The following ARHGEF10L variants were observed in gnomAD, a reference collection of about 807,000 sequenced individuals.
The protein encoded by ARHGEF10L is Rho guanine nucleotide exchange factor 10 like.
In ARHGEF10L, 69 loss-of-function variants were observed where a neutral mutation model predicts 141.2. The ratio of observed to expected loss-of-function variants is 0.49; its 90% confidence interval spans 0.40 to 0.60. The LOEUF is 0.60. Ranked by LOEUF, ARHGEF10L falls within the 20% of genes least tolerant of loss-of-function variation. The probability of loss-of-function intolerance (pLI) is 0.00; values close to 1 mark genes in which losing one functional copy is unlikely to be tolerated. For synonymous variants in ARHGEF10L, 711 were observed against 718.5 expected (o/e 0.99, Z 0.17); for missense variants, 1,482 against 1,734.3 (o/e 0.85, Z 2.58).
rs1158258837 is a variant in ARHGEF10L at position 17,603,670 on chromosome 1, C to T, written c.433+79C>T. ...GGGACTGGGGAGGGTTGTCTCTTTCCGTTTCCTTCTGTCCCCACCTGGCCA... is the reference window on the plus strand; with the variant it reads ...GGGACTGGGGAGGGTTGTCTCTTTCTGTTTCCTTCTGTCCCCACCTGGCCA... On this transcript the variant is annotated intron_variant, in intron 6 of 28. Transcript: ENST00000361221. This position sits in a 1 kb window ranked among gnomAD's most constrained non-coding sequence, Gnocchi z 4.8. The T allele has an allele frequency of 2.8e-5, 38 of 1,334,748 alleles. No homozygotes were observed. Among genetic ancestry groups the T allele is most frequent in the Non-Finnish European group, 3.6e-5 (35 of 975,960 alleles). 82.7% of individuals were successfully genotyped at this position (1,334,748 alleles called of 1,614,324 possible). A position where few individuals can be genotyped will look rare whatever the true frequency, so the allele number is the denominator to read the frequency against.
Position 17,697,184 on chromosome 1 carries a change from A to G in ARHGEF10L, c.3644A>G (p.Asp1215Gly). Residue 1215 changes from aspartate (D) to glycine (G), a missense_variant, in exon 29 of 29, where the codon GAC (aspartate) becomes GGC (glycine). Asp to Gly is a moderately conservative substitution (Grantham distance 94, BLOSUM62 -1). Transcript: ENST00000361221. This position sits in a 1 kb window ranked among gnomAD's most constrained non-coding sequence, Gnocchi z 4.8. Reference protein sequence around the residue: ...EEDGSIYEMADDPDIWVRSRP... With the variant: ...EEDGSIYEMAGDPDIWVRSRP... ...GACGGCTCCATTTACGAGATGGCCG[A>G]CGACCCCGACATCTGGGTGCGCAGC... The G allele has an allele frequency of 6.2e-7, 1 of 1,611,972 alleles. No homozygotes were observed. Among genetic ancestry groups the G allele is most frequent in the Admixed American group, 1.7e-5 (1 of 59,976 alleles).
intron 26 of ARHGEF10L, among the ~76,000 whole-genome samples, chr1:17,680,012 G>A (rs2063991186): frequency 6.6e-6 from 1 of 152,138 alleles, no homozygotes. Flanking sequence ...TCCCCCATGA[G>A]ACCCTCGGAG....
At chr1:17,620,324 A>G (rs2060039882) in intron 10 of ARHGEF10L, among the ~76,000 whole-genome samples, 1 of 152,114 alleles carries the variant, frequency 6.6e-6, no homozygotes, top group Non-Finnish European at 1.5e-5. Flanking sequence ...TTTGCCAGCC[A>G]TGAAACAGGG....
At chr1:17,637,857 C>T (rs2061100742) in intron 18 of ARHGEF10L, 31 bp from the exon 19 acceptor site, 1 of 1,549,190 alleles carries the variant, frequency 6.5e-7, no homozygotes, top group Non-Finnish European at 8.7e-7. Context: ...GCGCCTTCAC[C>T]TGTGCCTGAG....
Position 17,627,596 on chromosome 1 carries a change from G to A in ARHGEF10L, c.1584+93G>A, listed in dbSNP as rs1365191122. 2 of 1,467,908 alleles carry A rather than the reference G, an allele frequency of 1.4e-6. No homozygotes were observed. Among genetic ancestry groups the A allele is most frequent in the Non-Finnish European group, 1.8e-6 (2 of 1,090,972 alleles). 90.9% of individuals were successfully genotyped at this position (1,467,908 alleles called of 1,614,324 possible). A position where few individuals can be genotyped will look rare whatever the true frequency, so the allele number is the denominator to read the frequency against. ...TGCCCCACGCCACCCACACTAGGTG[G>A]CAGTGTTCTCTGAGGGAGGGGAGGC... On this transcript the variant is annotated intron_variant, in intron 15 of 28. Transcript: ENST00000361221. The surrounding 1 kb of genome is among the most constrained non-coding windows in gnomAD (Gnocchi z 4.0).
intron 1 of ARHGEF10L, among the ~76,000 whole-genome samples, chr1:17,540,615 C>T (rs1222763706): frequency 6.6e-6 from 1 of 152,072 alleles, no homozygotes; most frequent in Non-Finnish European, 1.5e-5. Flanking sequence ...CTGTAGGGGG[C>T]ATGGGGACAA....
intron 16 of ARHGEF10L, 150 bp downstream of exon 16, chr1:17,632,616 G>T: frequency 9.3e-7 from 1 of 1,077,000 alleles, no homozygotes. Context: ...CTCTTGCCCT[G>T]CTCTGCCACT....
At chr1:17,531,887 C>T in the ARHGEF10L span, among the ~76,000 whole-genome samples, 16 of 152,308 alleles carry the variant, frequency 1.1e-4, no homozygotes, top group South Asian at 4.1e-4. Flanking sequence ...GGAGCCTCCC[C>T]GCCCTGGGCA....
chr1:17,596,612 G>C (rs1404417832), intron 4 of ARHGEF10L, among the ~76,000 whole-genome samples: 1 of 152,214 alleles, frequency 6.6e-6, no homozygotes, highest in Non-Finnish European at 1.5e-5. Context: ...TGGTTTTGGG[G>C]GTCTCCTCCC....
Position 17,639,947 on chromosome 1 carries a change from C to T in ARHGEF10L, c.2172-255C>T. On this transcript the variant is annotated intron_variant, in intron 20 of 28. Coordinates refer to ENST00000361221, the MANE Select transcript of ARHGEF10L (RefSeq NM_018125.4). The surrounding 1 kb of genome is among the most constrained non-coding windows in gnomAD (Gnocchi z 4.3). ...GCACAAAGCCAGAGGCTCCTGGAGC[C>T]AGGCTGGGGAGCGTGGCTCAGCCAC... is the stretch of plus-strand genomic sequence containing the variant. 8.1e-6 allele frequency: 12 copies of T among 1,484,720 alleles called. No individual in the cohort carries two copies. Among genetic ancestry groups the T allele is most frequent in the Non-Finnish European group, 1.1e-5 (12 of 1,114,584 alleles). The allele number at this position is 1,484,720 out of a possible 1,614,324, so 92.0% of individuals were successfully genotyped here.
chr1:17,624,125 G>A (rs1244870445), intron 12 of ARHGEF10L, among the ~76,000 whole-genome samples: 1 of 152,200 alleles, frequency 6.6e-6, no homozygotes, highest in African/African-American at 2.4e-5. Flanking sequence ...CCTGGGAGGC[G>A]AAGGTCCCCT....
intron 4 of ARHGEF10L, among the ~76,000 whole-genome samples, chr1:17,588,911 TTGG>T (rs2079289115): frequency 4.1e-4 from 4 of 9,650 alleles, no homozygotes; most frequent in Non-Finnish European, 7.6e-4. Context: ...GTGGGGGAGG[TTGG>T]GGGGGTTTGA....
the ARHGEF10L span, among the ~76,000 whole-genome samples, chr1:17,515,280 TC>T: frequency 1.3e-4 from 18 of 136,656 alleles, no homozygotes; most frequent in Admixed American, 2.7e-4. Context: ...AGATATTATT[TC>T]TTTTTCTCTC....
intron 9 of ARHGEF10L, chr1:17,618,279 AGCG>A: frequency 4.1e-6 from 3 of 724,864 alleles, no homozygotes; most frequent in Non-Finnish European, 2.0e-6. Flanking sequence ...CCACAAGCCC[AGCG>A]CCTTCCTGAA....
upstream of ARHGEF10L, among the ~76,000 whole-genome samples, chr1:17,537,123 G>A (rs2265061): frequency 0.084 from 12,803 of 151,974 alleles, 587 homozygotes; most frequent in East Asian, 0.11. Context: ...AAAATGCCTG[G>A]CCTCAAGCAA....
At chr1:17,560,145 C>T (rs2077489275) in intron 1 of ARHGEF10L, among the ~76,000 whole-genome samples, 1 of 152,158 alleles carries the variant, frequency 6.6e-6, no homozygotes, top group African/African-American at 2.4e-5. Context: ...AACGAGGTCA[C>T]CTGCTTTGTG....
rs777478855 is a variant in ARHGEF10L at position 17,663,784 on chromosome 1, G to A, written c.2861-663G>A. 1.2e-4 allele frequency among the ~76,000 whole-genome samples: 19 copies of A among 152,152 alleles called. 1 individual carries two copies. In the South Asian group the frequency reaches 1.7e-3, roughly 13 times the overall value. ...TTACAGATGGGGAAACTGAGGCCTC[G>A]TGAAGGGTAGAGATGTGCTCAAGGT... On this transcript the variant is annotated intron_variant, in intron 25 of 28. Coordinates refer to ENST00000361221, the MANE Select transcript of ARHGEF10L (RefSeq NM_018125.4).
At chr1:17,546,064 C>A (rs897969529) in intron 1 of ARHGEF10L, among the ~76,000 whole-genome samples, 2 of 152,282 alleles carry the variant, frequency 1.3e-5, no homozygotes, top group East Asian at 3.9e-4. Flanking sequence ...AGTCAGGAGG[C>A]ACAGCATCAT....
chr1:17,555,118 T>A (rs2077258882), intron 1 of ARHGEF10L, among the ~76,000 whole-genome samples: 1 of 152,218 alleles, frequency 6.6e-6, no homozygotes, highest in African/African-American at 2.4e-5. Context: ...AGCCTCCAAG[T>A]TCCTTTAGCT....
Sources: gnomAD v4.1 joint callset for allele counts (sites outside exome capture counted in the v4.1 genomes callset) on GRCh38, gnomAD v4.1.1 for gene constraint, Gnocchi (gnomAD v3.1) non-coding constraint, MANE v1.5 for transcripts, NCBI Gene and HGNC (gene_info 2026-07-23, HGNC 2026-07-21) for gene names.